The following ABI2 variants were observed in gnomAD, a reference collection of about 807,000 sequenced individuals.
The protein encoded by ABI2 is abl interactor 2.
A neutral mutation model predicts 59.2 loss-of-function variants in ABI2; 25 were observed. The observed-to-expected ratio is 0.42, with a 90% CI of 0.31 to 0.59. The LOEUF (loss-of-function observed/expected upper bound fraction) is 0.59, where lower values mean the gene tolerates loss of function less well. ABI2 is among the 20% of genes least tolerant of loss of function. The pLI is 0.14. For missense variants in ABI2, 545 were observed against 681.8 expected (o/e 0.80, Z 2.23); for synonymous variants, 213 against 235.5 (o/e 0.90, Z 0.87).
chr2:203,410,654 C>T (rs889259756), intron 9 of ABI2, among the ~76,000 whole-genome samples: 1 of 152,054 alleles, frequency 6.6e-6, no homozygotes, highest in Admixed American at 6.6e-5. Flanking sequence ...ACATAGCACC[C>T]GATTCTCAGA....
At chr2:203,363,309 A>G (rs1377255034) in intron 1 of ABI2, among the ~76,000 whole-genome samples, 1 of 152,234 alleles carries the variant, frequency 6.6e-6, no homozygotes, top group Non-Finnish European at 1.5e-5. Context: ...AAACAATCCA[A>G]CTATACTCTC....
At chr2:203,335,498 A>G (rs1306643436) in intron 1 of ABI2, among the ~76,000 whole-genome samples, 3 of 152,134 alleles carry the variant, frequency 2.0e-5, no homozygotes, top group African/African-American at 4.8e-5. Flanking sequence ...CCTGGGCTCA[A>G]GCAATTCTCC....
intron 9 of ABI2, among the ~76,000 whole-genome samples, chr2:203,407,656 C>G (rs1033787631): frequency 6.6e-6 from 1 of 152,092 alleles, no homozygotes; most frequent in Non-Finnish European, 1.5e-5. Context: ...TCTAAACATT[C>G]TTGTATATTG....
chr2:203,382,183 A>AT lies in ABI2; in HGVS notation c.463-4dup, dbSNP rs2096177954. The AT allele has an allele frequency of 6.5e-7, 1 of 1,528,628 alleles. No individual in the cohort carries two copies. Among genetic ancestry groups the AT allele is most frequent in the Non-Finnish European group, 8.7e-7 (1 of 1,143,702 alleles). 94.7% of individuals were successfully genotyped at this position (1,528,628 alleles called of 1,614,324 possible). A position where few individuals can be genotyped will look rare whatever the true frequency, so the allele number is the denominator to read the frequency against. ...CCTCTTTTATTTGCTCCATTTATGC[A>AT]TTAAGTGGTTGCTTAGATTTAAGGT... On this transcript the variant is annotated splice_region_variant and splice_polypyrimidine_tract_variant and intron_variant, in intron 3 of 11. Transcript: ENST00000261018.
chr2:203,405,824 A>G (rs2097402266), intron 9 of ABI2, among the ~76,000 whole-genome samples: 1 of 152,144 alleles, frequency 6.6e-6, no homozygotes, highest in African/African-American at 2.4e-5. Flanking sequence ...TGTGAGGTGT[A>G]AATCTAGCAG....
intron 1 of ABI2, among the ~76,000 whole-genome samples, chr2:203,349,053 C>T (rs369571277): frequency 1.1e-4 from 17 of 152,024 alleles, no homozygotes; most frequent in Admixed American, 2.0e-4. Context: ...CTGCCTCAGC[C>T]TCCTGAGTAG....
intron 2 of ABI2, among the ~76,000 whole-genome samples, chr2:203,374,498 CAAAA>C (rs777951265): frequency 2.2e-4 from 12 of 53,836 alleles, no homozygotes; most frequent in African/African-American, 7.3e-4. Flanking sequence ...GACTCTGTCT[CAAAA>C]AAAAAAAAAA....
At chr2:203,328,753 G>C (rs536266427) in intron 1 of ABI2, 122 bp downstream of exon 1, 73 of 517,660 alleles carry the variant, frequency 1.4e-4, no homozygotes, top group African/African-American at 1.3e-3. Context: ...TGGGGGTGGG[G>C]AGCTGGGTGA....
chr2:203,352,395 C>A (rs1303217659), intron 1 of ABI2, among the ~76,000 whole-genome samples: 1 of 151,934 alleles, frequency 6.6e-6, no homozygotes, highest in Non-Finnish European at 1.5e-5. Flanking sequence ...CAGGAGGATT[C>A]CAGATGAAGG....
At chr2:203,384,127 A>G (rs1200280966) in intron 4 of ABI2, among the ~76,000 whole-genome samples, 2 of 152,204 alleles carry the variant, frequency 1.3e-5, no homozygotes, top group African/African-American at 4.8e-5. Context: ...TTAAGAGTTC[A>G]TAAGATTTTT....
At chr2:203,414,419 T>C (rs2097803896) in intron 10 of ABI2, among the ~76,000 whole-genome samples, 1 of 152,080 alleles carries the variant, frequency 6.6e-6, no homozygotes, top group Non-Finnish European at 1.5e-5. Flanking sequence ...GTTCTTTGTA[T>C]CTGACATGAA....
At chr2:203,341,177 T>G (rs989447628) in intron 1 of ABI2, among the ~76,000 whole-genome samples, 3 of 152,186 alleles carry the variant, frequency 2.0e-5, no homozygotes, top group African/African-American at 7.2e-5. Context: ...TCACTCTCCC[T>G]TTGCTTATAC....
chr2:203,390,619 G>A (rs1361467269), intron 4 of ABI2, among the ~76,000 whole-genome samples: 1 of 151,234 alleles, frequency 6.6e-6, no homozygotes, highest in Non-Finnish European at 1.5e-5. Context: ...GTAACAAAGC[G>A]AGACTCTGTC....
chr2:203,329,789 T>C (rs2071682864), intron 1 of ABI2, among the ~76,000 whole-genome samples: 1 of 151,888 alleles, frequency 6.6e-6, no homozygotes, highest in Admixed American at 6.6e-5. Context: ...CAGGTTGGAG[T>C]GCAGTGGCGC....
intron 1 of ABI2, among the ~76,000 whole-genome samples, chr2:203,356,311 T>C (rs1273579266): frequency 6.6e-6 from 1 of 152,160 alleles, no homozygotes; most frequent in Non-Finnish European, 1.5e-5. Flanking sequence ...CCCAAGTAGC[T>C]GGGATCACAG....
chr2:203,416,886 T>C (rs753378893), intron 10 of ABI2, 22 bp from the exon 11 acceptor site: 1 of 1,593,546 alleles, frequency 6.3e-7, no homozygotes, highest in East Asian at 2.3e-5. Flanking sequence ...ATAGTTTTGT[T>C]GTCAGCCTGA....
At chr2:203,372,332 C>G (rs1005206069) in intron 2 of ABI2, among the ~76,000 whole-genome samples, 17 of 152,244 alleles carry the variant, frequency 1.1e-4, no homozygotes, top group African/African-American at 4.1e-4. Flanking sequence ...CTACTTCTTT[C>G]TACACAGACA....
chr2:203,348,076 C>G (rs1305625869), intron 1 of ABI2, among the ~76,000 whole-genome samples: 1 of 151,860 alleles, frequency 6.6e-6, no homozygotes, highest in Non-Finnish European at 1.5e-5. Flanking sequence ...CCTCGTGTCT[C>G]CTAAAAATAC....
chr2:203,343,747 T>C (rs952964764), intron 1 of ABI2, among the ~76,000 whole-genome samples: 1 of 152,204 alleles, frequency 6.6e-6, no homozygotes, highest in African/African-American at 2.4e-5. Context: ...CTGACAAAAA[T>C]ATGTTAATTA....
Sources: gnomAD v4.1 joint callset for allele counts (sites outside exome capture counted in the v4.1 genomes callset) on GRCh38, gnomAD v4.1.1 for gene constraint, MANE v1.5 for transcripts, NCBI Gene and HGNC (gene_info 2026-07-23, HGNC 2026-07-21) for gene names.